RBFOX1: variants seen among roughly 807,000 people sequenced by gnomAD.
The protein encoded by RBFOX1 is RNA binding fox-1 homolog 1.
In RBFOX1, 8 loss-of-function variants were observed where a neutral mutation model predicts 57.7. The observed-to-expected ratio is 0.14, with a 90% CI of 0.08 to 0.25. The LOEUF is 0.25. RBFOX1 is among the 10% of genes least tolerant of loss of function. The pLI is 1.00. For missense variants in RBFOX1, 611 were observed against 548.5 expected (o/e 1.11, Z -1.14); for synonymous variants, 326 against 222.4 (o/e 1.47, Z -4.15).
chr16:7,028,511 C>T (rs1027257679), intron 3 of RBFOX1, among the ~76,000 whole-genome samples: 16 of 145,854 alleles, frequency 1.1e-4, no homozygotes, highest in African/African-American at 3.3e-4. Flanking sequence ...CGCTTGAACC[C>T]GGGAGGCGGA....
At chr16:7,297,547 T>G (rs1179181740) in intron 4 of RBFOX1, among the ~76,000 whole-genome samples, 1 of 152,198 alleles carries the variant, frequency 6.6e-6, no homozygotes, top group Non-Finnish European at 1.5e-5. Flanking sequence ...TTCCCTTTTT[T>G]GTTGTGGATG....
rs117266943 is a variant in RBFOX1 at position 6,700,187 on chromosome 16, A to G, written c.-16+45537A>G. On this transcript the variant is annotated intron_variant, in intron 3 of 15. Coordinates refer to ENST00000550418, the MANE Select transcript of RBFOX1 (RefSeq NM_018723.4). ...GAGCCAGAGTCGGGGGACTTACTCA[A>G]TTTTTCACCCAGAGAGGAACGTGAG... Among the ~76,000 whole-genome samples the G allele has an allele frequency of 2.9e-3, 441 of 152,106 alleles. 2 individuals are homozygous for G. The highest frequency in any genetic ancestry group is 4.0e-3 in the Non-Finnish European group (275 of 67,986).
intron 10 of RBFOX1, among the ~76,000 whole-genome samples, chr16:7,612,211 C>G (rs1159833949): frequency 1.3e-5 from 2 of 150,234 alleles, no homozygotes; most frequent in East Asian, 3.9e-4. Flanking sequence ...GTCCCAGCTA[C>G]TTGGGAGGCA....
chr16:6,832,903 T>C (rs555806462), intron 3 of RBFOX1, among the ~76,000 whole-genome samples: 3 of 152,352 alleles, frequency 2.0e-5, no homozygotes, highest in African/African-American at 7.2e-5. Flanking sequence ...CGAACTAGTG[T>C]ATCTGCATTT....
intron 4 of RBFOX1, among the ~76,000 whole-genome samples, chr16:7,245,535 G>A (rs780441122): frequency 2.0e-5 from 3 of 152,110 alleles, no homozygotes; most frequent in African/African-American, 4.8e-5. Flanking sequence ...TTTGCAAAAC[G>A]TATTTTCATA....
At chr16:6,559,385 T>C (rs949217550) in intron 2 of RBFOX1, among the ~76,000 whole-genome samples, 1 of 152,084 alleles carries the variant, frequency 6.6e-6, no homozygotes, top group Non-Finnish European at 1.5e-5. Flanking sequence ...TGTATACATA[T>C]ATAGATATAG....
chr16:7,094,051 G>A (rs1427214961), intron 4 of RBFOX1, among the ~76,000 whole-genome samples: 1 of 150,104 alleles, frequency 6.7e-6, no homozygotes, highest in Non-Finnish European at 1.5e-5. Context: ...ATGTTGCTTA[G>A]TGCCAGAGGA....
intron 3 of RBFOX1, among the ~76,000 whole-genome samples, chr16:5,866,464 T>C (rs1433241592): frequency 6.6e-6 from 1 of 152,220 alleles, no homozygotes; most frequent in Non-Finnish European, 1.5e-5. Context: ...GTTGGCCAAG[T>C]CATCCAGGTA....
At chr16:6,406,897 C>G (rs574061019) in intron 2 of RBFOX1, among the ~76,000 whole-genome samples, 50 of 152,268 alleles carry the variant, frequency 3.3e-4, no homozygotes, top group African/African-American at 1.2e-3. Flanking sequence ...TGGCTGACCC[C>G]CCTACTGACT....
Position 6,573,215 on chromosome 16 carries a change from G to T in RBFOX1, c.-63-81388G>T, listed in dbSNP as rs112592397. On this transcript the variant is annotated intron_variant, in intron 2 of 15. Transcript: ENST00000550418. ...AAACAGTGCCCTTTCAGTAGACAAC[G>T]TTAAATCAGCCATCAGACGTGGGTC... Among the ~76,000 whole-genome samples, 334 of 152,192 alleles carry T rather than the reference G, an allele frequency of 2.2e-3. 2 individuals are homozygous for T. The highest frequency in any genetic ancestry group is 6.2e-3 in the African/African-American group (257 of 41,524).
chr16:5,527,999 C>G (rs718694), intron 2 of RBFOX1, among the ~76,000 whole-genome samples: 54,659 of 152,048 alleles, frequency 0.36, 10,312 homozygotes, highest in African/African-American at 0.42. Context: ...CTCAGAGCAC[C>G]TAATAGCTCA....
chr16:7,437,674 A>G (rs183980867), intron 4 of RBFOX1, among the ~76,000 whole-genome samples: 6 of 152,334 alleles, frequency 3.9e-5, no homozygotes, highest in Admixed American at 6.5e-5. Context: ...AGGCCGGAGT[A>G]GGCAAAGCTG....
intron 3 of RBFOX1, among the ~76,000 whole-genome samples, chr16:6,869,695 C>T (rs551791249): frequency 6.6e-6 from 1 of 152,278 alleles, no homozygotes; most frequent in African/African-American, 2.4e-5. Flanking sequence ...GACACACATT[C>T]ATGCAGTTGG....
intron 3 of RBFOX1, among the ~76,000 whole-genome samples, chr16:6,793,842 G>A (rs939830498): frequency 6.6e-6 from 1 of 152,124 alleles, no homozygotes; most frequent in Non-Finnish European, 1.5e-5. Context: ...GTATTAAAGT[G>A]GAGGTCTGGT....
At chr16:5,782,184 C>G (rs1364901359) in intron 3 of RBFOX1, among the ~76,000 whole-genome samples, 1 of 152,228 alleles carries the variant, frequency 6.6e-6, no homozygotes, top group Non-Finnish European at 1.5e-5. Flanking sequence ...GTACACCAGC[C>G]TGAGTGACAA....
chr16:5,957,663 A>G (rs1007628101), intron 4 of RBFOX1, among the ~76,000 whole-genome samples: 7 of 152,166 alleles, frequency 4.6e-5, no homozygotes, highest in African/African-American at 7.2e-5. Context: ...TCATTAAAAC[A>G]TTTTTAAATT....
At chr16:7,183,241 A>C (rs1482996757) in intron 4 of RBFOX1, among the ~76,000 whole-genome samples, 1 of 152,106 alleles carries the variant, frequency 6.6e-6, no homozygotes, top group African/African-American at 2.4e-5. Context: ...TTTGGGGAGA[A>C]AAAGAAGCCA....
chr16:5,638,754 G>C (rs774320011), intron 3 of RBFOX1, among the ~76,000 whole-genome samples: 1 of 152,186 alleles, frequency 6.6e-6, no homozygotes, highest in Admixed American at 6.5e-5. Flanking sequence ...GCTTGAGTAG[G>C]ATCCTGTACT....
chr16:7,616,753 A>T (rs2058511801), intron 10 of RBFOX1, among the ~76,000 whole-genome samples: 1 of 151,996 alleles, frequency 6.6e-6, no homozygotes, highest in Non-Finnish European at 1.5e-5. Context: ...GCTGGTCTTG[A>T]ACTCCTGACC....
Sources: allele counts gnomAD v4.1 joint callset (sites outside exome capture counted in the v4.1 genomes callset), GRCh38; gene constraint gnomAD v4.1.1; transcripts MANE v1.5; gene names NCBI Gene and HGNC (gene_info 2026-07-23, HGNC 2026-07-21).